The following WDR7 variants were observed in gnomAD, a reference collection of about 807,000 sequenced individuals.
WDR7 encodes WD repeat domain 7, also known as WD repeat-containing protein 7.
WDR7 carries 46 observed loss-of-function variants against 169.4 expected under a neutral mutation model. That is an observed-to-expected ratio of 0.27 (90% CI 0.21 to 0.35). WDR7 has a LOEUF of 0.35. WDR7 is among the 10% of genes least tolerant of loss of function. WDR7 has a pLI of 1.00. For missense variants in WDR7, 1,534 were observed against 1,859.3 expected, an observed-to-expected ratio of 0.83 and a Z score of 3.22; for synonymous variants, 612 against 666.8, an observed-to-expected ratio of 0.92 and a Z score of 1.27.
In WDR7 at chr18:56,829,884, TTTA is replaced by T. The variant is rs538534270; in HGVS notation, c.3304+13743_3304+13745del. 1.0e-3 allele frequency among the ~76,000 whole-genome samples: 156 copies of T among 152,312 alleles called. 1 individual carries two copies. The highest frequency in any genetic ancestry group is 3.6e-3 in the African/African-American group (148 of 41,568). ...TGTTTATGTAAAGGAGAACCCAATT[TTTA>T]TTGACCATAGTTGAGGATCATAAGT... On this transcript the variant is annotated intron_variant, in intron 20 of 27. Coordinates refer to ENST00000254442, the MANE Select transcript of WDR7 (RefSeq NM_015285.3).
chr18:56,699,991 C>A (rs191764160), intron 12 of WDR7: 5 of 612,760 alleles, frequency 8.2e-6, no homozygotes, highest in East Asian at 1.4e-4. Context: ...AAAAGTCTTT[C>A]CAAATTCCTA....
chr18:56,709,192 A>G (rs1181702980), intron 12 of WDR7, among the ~76,000 whole-genome samples: 1 of 152,146 alleles, frequency 6.6e-6, no homozygotes, highest in Non-Finnish European at 1.5e-5. Flanking sequence ...TATTAATGTA[A>G]TTTATGGTAG....
At chr18:56,796,119 A>G (rs1273576324) in intron 19 of WDR7, among the ~76,000 whole-genome samples, 1 of 152,224 alleles carries the variant, frequency 6.6e-6, no homozygotes, top group Non-Finnish European at 1.5e-5. Flanking sequence ...TATTGGATGT[A>G]TATCAATGCA....
chr18:56,696,138 G>C (rs968351341), intron 11 of WDR7, 104 bp from the exon 12 acceptor site: 6 of 961,742 alleles, frequency 6.2e-6, no homozygotes, highest in Non-Finnish European at 7.7e-6. Flanking sequence ...AGCCTTTGCT[G>C]TGATATAATT....
At chr18:56,821,047 T>G (rs550634737) in intron 20 of WDR7, among the ~76,000 whole-genome samples, 1 of 152,328 alleles carries the variant, frequency 6.6e-6, no homozygotes, top group South Asian at 2.1e-4. Context: ...AGTCATCTAC[T>G]CATTCAATCA....
intron 26 of WDR7, among the ~76,000 whole-genome samples, chr18:56,986,126 CTTTGTGTGTGTGTGTGTGTGTGTGTG>C (rs1319075229): frequency 2.2e-4 from 27 of 123,162 alleles, no homozygotes; most frequent in Non-Finnish European, 4.3e-4. Flanking sequence ...ATTTCAGCTT[CTTTGTGTGTGTGTGTGTGTGTGTGTG>C]TGTGTGTGTG....
chr18:56,930,517 A>G (rs558919928), intron 22 of WDR7, among the ~76,000 whole-genome samples: 27 of 152,324 alleles, frequency 1.8e-4, no homozygotes, highest in Admixed American at 1.6e-3. Flanking sequence ...CAGGAAATAG[A>G]TCTTAAAGAT....
At chr18:56,657,771 C>T (rs1359640938) in intron 1 of WDR7, among the ~76,000 whole-genome samples, 1 of 152,162 alleles carries the variant, frequency 6.6e-6, no homozygotes, top group Non-Finnish European at 1.5e-5. Flanking sequence ...AGAAGAAATC[C>T]TACATCATGA....
intron 26 of WDR7, among the ~76,000 whole-genome samples, chr18:57,015,520 C>G (rs1311353988): frequency 1.3e-5 from 2 of 152,094 alleles, no homozygotes; most frequent in Admixed American, 6.5e-5. Flanking sequence ...ATGAGCCTTT[C>G]CCTTGCCTAA....
At chr18:56,918,151 C>T (rs2046654463) in intron 21 of WDR7, among the ~76,000 whole-genome samples, 1 of 152,198 alleles carries the variant, frequency 6.6e-6, no homozygotes, top group Non-Finnish European at 1.5e-5. Flanking sequence ...AGATGTTACA[C>T]ACTAAATTCT....
At chr18:56,814,683 G>C (rs2044933126) in intron 19 of WDR7, among the ~76,000 whole-genome samples, 1 of 151,776 alleles carries the variant, frequency 6.6e-6, no homozygotes, top group South Asian at 2.1e-4. Context: ...ACTACTTCTT[G>C]GGTACTATGC....
At chr18:56,771,593 A>G (rs1405458905) in intron 16 of WDR7, among the ~76,000 whole-genome samples, 11 of 150,016 alleles carry the variant, frequency 7.3e-5, no homozygotes, top group African/African-American at 2.7e-4. Flanking sequence ...AGAAAAAAAA[A>G]AATACTGGCC....
chr18:56,920,293 C>T (rs943519198), intron 21 of WDR7, among the ~76,000 whole-genome samples: 3 of 152,160 alleles, frequency 2.0e-5, no homozygotes, highest in African/African-American at 7.2e-5. Context: ...TTATAGCCCC[C>T]AAGATGAGGT....
intron 19 of WDR7, among the ~76,000 whole-genome samples, chr18:56,791,447 T>A (rs2044484001): frequency 6.6e-6 from 1 of 152,198 alleles, no homozygotes. Flanking sequence ...TAGAGAAAGC[T>A]TTTTCTTTAC....
chr18:56,784,070 A>G (rs2044358523), intron 19 of WDR7, among the ~76,000 whole-genome samples: 1 of 152,142 alleles, frequency 6.6e-6, no homozygotes, highest in African/African-American at 2.4e-5. Flanking sequence ...TCATTTAACC[A>G]TTACAATAAC....
At chr18:57,032,353 G>C (rs1259404986), downstream of WDR7, 1 of 152,186 alleles carries the variant, frequency 6.6e-6, no homozygotes, top group Non-Finnish European at 1.5e-5. Context: ...GAATATGTAG[G>C]TTCTGTTGCC....
intron 19 of WDR7, among the ~76,000 whole-genome samples, chr18:56,785,754 C>CCGTT (rs1360186513): frequency 1.1e-4 from 16 of 151,908 alleles, no homozygotes; most frequent in Admixed American, 6.6e-5. Flanking sequence ...CAATAAAAAG[C>CCGTT]CGTTTGCAGG....
At chr18:56,793,952 T>G (rs2044536775) in intron 19 of WDR7, among the ~76,000 whole-genome samples, 1 of 152,180 alleles carries the variant, frequency 6.6e-6, no homozygotes, top group Admixed American at 6.5e-5. Context: ...TACTAATCAG[T>G]GAATCTTTTT....
chr18:56,661,985 C>T (rs1231358937), intron 1 of WDR7, among the ~76,000 whole-genome samples: 1 of 152,162 alleles, frequency 6.6e-6, no homozygotes, highest in Non-Finnish European at 1.5e-5. Context: ...TAGGAATGTT[C>T]TCTGAGAATT....
Sources: gnomAD v4.1 joint callset for allele counts (sites outside exome capture counted in the v4.1 genomes callset) on GRCh38, gnomAD v4.1.1 for gene constraint, MANE v1.5 for transcripts, NCBI Gene and HGNC (gene_info 2026-07-23, HGNC 2026-07-21) for gene names.